Variants in HERC3 observed in about 807,000 individuals in gnomAD.
HERC3 encodes the protein probable E3 ubiquitin-protein ligase HERC3.
Under a neutral mutation model 129.9 loss-of-function variants are expected in HERC3, and 58 were observed. That is an observed-to-expected ratio of 0.45 (90% CI 0.36 to 0.56). The LOEUF (loss-of-function observed/expected upper bound fraction) is 0.56. HERC3 is among the 20% of genes least tolerant of loss of function. HERC3 has a pLI of 0.00. For synonymous variants in HERC3, 430 were observed against 451.0 expected (o/e 0.95, Z 0.59); for missense variants, 835 against 1,244.2 (o/e 0.67, Z 4.95).
At chr4:88,580,658 GGAA>G in the HERC3 span, among the ~76,000 whole-genome samples, 1 of 152,212 alleles carries the variant, frequency 6.6e-6, no homozygotes, top group East Asian at 1.9e-4. Context: ...TGGGTCTTCA[GGAA>G]GGAGTCATTA....
chr4:88,601,771 C>G (rs1267020483), intron 2 of HERC3, among the ~76,000 whole-genome samples: 13 of 131,528 alleles, frequency 9.9e-5, no homozygotes, highest in Non-Finnish European at 1.9e-4. Flanking sequence ...AAAGGATATT[C>G]AGGGGCCGGG....
chr4:88,561,511 A>T, the HERC3 span, among the ~76,000 whole-genome samples: 1 of 152,118 alleles, frequency 6.6e-6, no homozygotes, highest in African/African-American at 2.4e-5. Context: ...TTGTGTTATA[A>T]ACATTCCAAT....
intron 13 of HERC3, 47 bp from the exon 14 acceptor site, chr4:88,667,845 G>C (rs1374345241): frequency 7.3e-7 from 1 of 1,368,198 alleles, no homozygotes; most frequent in African/African-American, 1.4e-5. Flanking sequence ...AAGTTAACTA[G>C]ATCTCAAGTA....
At chr4:88,572,139 C>T in the HERC3 span, among the ~76,000 whole-genome samples, 2 of 152,254 alleles carry the variant, frequency 1.3e-5, no homozygotes, top group South Asian at 4.1e-4. Flanking sequence ...AAGAAACCAA[C>T]CTTGCTGGGC....
chr4:88,527,669 A>T, the HERC3 span: 1 of 299,366 alleles, frequency 3.3e-6, no homozygotes, highest in Admixed American at 3.8e-5. Context: ...ATGCCGGGCA[A>T]TGTGCTTGTC....
intron 10 of HERC3, among the ~76,000 whole-genome samples, chr4:88,659,143 G>GT (rs1226026784): frequency 6.6e-6 from 1 of 152,102 alleles, no homozygotes. Flanking sequence ...GTCAGTGCTG[G>GT]ACTCCTTCCC....
chr4:88,702,536 A>C (rs982454431), intron 23 of HERC3, among the ~76,000 whole-genome samples: 2 of 152,158 alleles, frequency 1.3e-5, no homozygotes, highest in African/African-American at 2.4e-5. Context: ...GATTCTATTC[A>C]TTTTGCTAAG....
Position 88,605,784 on chromosome 4 carries a change from C to G in HERC3, c.-29-11C>G. The G allele has an allele frequency of 6.7e-7, 1 of 1,495,114 alleles. No homozygotes were observed. The highest frequency in any genetic ancestry group is 9.2e-7 in the Non-Finnish European group (1 of 1,087,068). 92.6% of individuals were successfully genotyped at this position (1,495,114 alleles called of 1,614,324 possible). Reference sequence around the variant, plus strand: ...TTAATTAAAAAATAATTTTTTTAAACTCTCTCCTAGGCTACATGATTCCCT... The same window carrying G: ...TTAATTAAAAAATAATTTTTTTAAAGTCTCTCCTAGGCTACATGATTCCCT... On this transcript the variant is annotated splice_polypyrimidine_tract_variant and intron_variant, in intron 2 of 25. Coordinates refer to ENST00000402738, the MANE Select transcript of HERC3 (RefSeq NM_014606.3).
intron 23 of HERC3, among the ~76,000 whole-genome samples, chr4:88,699,642 A>G (rs2149345520): frequency 1.3e-5 from 2 of 152,122 alleles, no homozygotes; most frequent in South Asian, 4.2e-4. Flanking sequence ...GCAGGGGCAG[A>G]AAACAGGCCT....
At chr4:88,669,583 C>T (rs1206965188) in intron 14 of HERC3, among the ~76,000 whole-genome samples, 1 of 152,040 alleles carries the variant, frequency 6.6e-6, no homozygotes, top group Non-Finnish European at 1.5e-5. Context: ...GTATCTTGTC[C>T]ACATGTAGTC....
intron 1 of HERC3, among the ~76,000 whole-genome samples, chr4:88,595,091 ACT>A (rs1307405387): frequency 8.2e-6 from 1 of 121,426 alleles, no homozygotes; most frequent in Non-Finnish European, 1.6e-5. Context: ...AAAGAGCCAG[ACT>A]CTGTCTCAAA....
intron 16 of HERC3, among the ~76,000 whole-genome samples, chr4:88,676,004 G>A (rs1732124746): frequency 6.6e-6 from 1 of 152,156 alleles, no homozygotes. Flanking sequence ...ACGGTCATAA[G>A]AAAATGTTTT....
Position 88,669,923 on chromosome 4 carries a change from C to T in HERC3, c.1697C>T (p.Ala566Val). 6.2e-7 allele frequency: 1 copy of T among 1,610,666 alleles called. No individual in the cohort carries two copies. The highest frequency in any genetic ancestry group is 1.3e-5 in the African/African-American group (1 of 74,960). ...AAGCTGGTAAACCTCTATAAAGGTG[C>T]AGTCCTTTATCTACTGAGGGGAAGA... is the stretch of plus-strand genomic sequence containing the variant. ...FMKLVNLYKGAVLYLLRGRKT... is the reference protein window; with the variant it reads ...FMKLVNLYKGVVLYLLRGRKT... The change falls in exon 15 of 26, where the codon GCA (alanine) becomes GTA (valine). Residue 566 changes from alanine to valine, a missense_variant. By Grantham distance (64) the Ala-to-Val change is moderately conservative. Transcript: ENST00000402738.
At chr4:88,676,137 T>C in intron 16 of HERC3, 81 bp from the exon 17 acceptor site, 2 of 1,033,690 alleles carry the variant, frequency 1.9e-6, no homozygotes, top group Non-Finnish European at 2.9e-6. Context: ...CTGTGTTTTG[T>C]TATTTATATT....
At chr4:88,694,523 A>G (rs1734397254) in intron 23 of HERC3, among the ~76,000 whole-genome samples, 1 of 152,186 alleles carries the variant, frequency 6.6e-6, no homozygotes, top group Non-Finnish European at 1.5e-5. Context: ...TTCCCTGTCC[A>G]GTAATTGATA....
intron 23 of HERC3, chr4:88,690,612 T>TG: frequency 2.0e-6 from 2 of 985,396 alleles, no homozygotes; most frequent in Non-Finnish European, 2.4e-6. Flanking sequence ...GGGAAATGAA[T>TG]GACCTAGTGC....
chr4:88,610,408 A>G (rs1460339719), intron 3 of HERC3, among the ~76,000 whole-genome samples: 2 of 148,116 alleles, frequency 1.4e-5, no homozygotes, highest in Non-Finnish European at 3.0e-5. Flanking sequence ...AGCCGAGATC[A>G]CGCCACTGGC....
chr4:88,695,852 T>A (rs1734548743), intron 23 of HERC3: 2 of 152,540 alleles, frequency 1.3e-5, no homozygotes, highest in Non-Finnish European at 2.9e-5. Flanking sequence ...TAAGGTACAT[T>A]ACTAATAGGA....
intron 16 of HERC3, among the ~76,000 whole-genome samples, chr4:88,675,996 G>A (rs1406055621): frequency 2.6e-5 from 4 of 152,034 alleles, no homozygotes; most frequent in African/African-American, 4.8e-5. Context: ...GCCCTTTAAC[G>A]GTCATAAGAA....
Sources: allele counts gnomAD v4.1 joint callset (sites outside exome capture counted in the v4.1 genomes callset), GRCh38; gene constraint gnomAD v4.1.1; transcripts MANE v1.5; gene names NCBI Gene and HGNC (gene_info 2026-07-23, HGNC 2026-07-21).